Variants in TMEM198 observed in about 807,000 individuals in gnomAD.
TMEM198 encodes transmembrane protein 198.
In TMEM198, 21 loss-of-function variants were observed where a neutral mutation model predicts 31.5. That is an observed-to-expected ratio of 0.67 (90% confidence interval 0.47 to 0.96). TMEM198 has a LOEUF of 0.96. Among genes scored for constraint, TMEM198 ranks in the 40% least tolerant of loss-of-function variants. The pLI is 0.00. For synonymous variants in TMEM198, 211 were observed against 223.3 expected (o/e 0.95, Z 0.49); for missense variants, 447 against 499.4 (o/e 0.89, Z 1.00).
intron 2 of TMEM198, among the ~76,000 whole-genome samples, chr2:219,546,348 ACT>A (rs1417385073): frequency 6.6e-6 from 1 of 151,884 alleles, no homozygotes; most frequent in Non-Finnish European, 1.5e-5. Context: ...CTCCACAAAC[ACT>A]GTTTCCTTCT....
At position 219,550,499 on chromosome 2, in the gene TMEM198, T is replaced by C; in HGVS notation, c.*645T>C. 1 of 355,448 alleles carries C rather than the reference T, an allele frequency of 2.8e-6. No individual in the cohort carries two copies. The highest frequency in any genetic ancestry group is 5.3e-6 in the Non-Finnish European group (1 of 190,472). The allele number at this position is 355,448 out of a possible 1,614,324, so 22.0% of individuals were successfully genotyped here. ...ATGCACGGTGCATGTCTGGTGTCTG[T>C]CATGCCAACCTAGACACCTCATGCT... is the stretch of plus-strand genomic sequence containing the variant. On this transcript the variant is annotated 3_prime_UTR_variant, in exon 5 of 5. Coordinates refer to ENST00000373883, the MANE Select transcript of TMEM198 (RefSeq NM_001005209.3).
In TMEM198 at chr2:219,547,705, G is replaced by T. The variant is rs774661856; in HGVS notation, c.366G>T (p.Gly122=). ...GCAGCGTGGGCCTCTTCCTGGTGGG[G>T]CTGCTGCTCGGCCTGCTGCTCGCAG... ...LVRSVGLFLV[G]LLLGLLLAAA... is the part of the protein sequence containing the mutation. Residue 122 remains glycine, a synonymous_variant, in exon 3 of 5, where the codon GGG becomes GGT. Transcript: ENST00000373883. The T allele has an allele frequency of 6.4e-7, 1 of 1,571,864 alleles. No individual in the cohort carries two copies. The highest frequency in any genetic ancestry group is 1.3e-5 in the African/African-American group (1 of 74,498).
Position 219,549,170 on chromosome 2 carries a change from G to A in TMEM198, c.761G>A (p.Arg254His), listed in dbSNP as rs111549844. The A allele has an allele frequency of 4.5e-4, 734 of 1,613,928 alleles. 1 individual carries two copies. The highest frequency in any genetic ancestry group is 6.2e-4 in the Admixed American group (37 of 60,028). ...ACCACAGTGGTCATCAGCCGGCAGC[G>A]CCGACGCGTGCAACTGATGCGGATT... ...SHTEVVISRQ[R>H]RRVQLMRIRQ... The change falls in exon 4 of 5, where the codon CGC (arginine) becomes CAC (histidine). Residue 254 changes from arginine to histidine, a missense_variant. Arg to His is a conservative substitution (Grantham distance 29). Coordinates refer to ENST00000373883, the MANE Select transcript of TMEM198 (RefSeq NM_001005209.3).
At chr2:219,546,598 G>A (rs564638148) in intron 2 of TMEM198, among the ~76,000 whole-genome samples, 12 of 152,026 alleles carry the variant, frequency 7.9e-5, no homozygotes, top group Middle Eastern at 3.4e-3. Context: ...TTATACTCTC[G>A]ATGATTCTAT....
Position 219,547,766 on chromosome 2 carries a change from C to T in TMEM198, c.427C>T (p.Pro143Ser). The change falls in exon 3 of 5, where the codon CCA becomes TCA. Residue 143 changes from proline to serine, a missense_variant. Transcript: ENST00000373883. ...ALLGSAPYYQ[P>S]GSVWGPLGLL... ...GCTGGGCTCCGCACCCTACTACCAGCCAGGCTCCGTGTGGGGTCCACTGGG... is the reference window on the plus strand; with the variant it reads ...GCTGGGCTCCGCACCCTACTACCAGTCAGGCTCCGTGTGGGGTCCACTGGG... The T allele has an allele frequency of 6.3e-7, 1 of 1,594,636 alleles. No individual in the cohort carries two copies. The highest frequency in any genetic ancestry group is 8.5e-7 in the Non-Finnish European group (1 of 1,176,942).
At position 219,550,461 on chromosome 2, in the gene TMEM198, G is replaced by C; in HGVS notation, c.*607G>C. 4.1e-6 allele frequency: 1 copy of C among 244,616 alleles called. No homozygotes were observed. Among genetic ancestry groups the C allele is most frequent in the East Asian group, 9.3e-5 (1 of 10,778 alleles). 15.2% of individuals were successfully genotyped at this position (244,616 alleles called of 1,614,324 possible). A position where few individuals can be genotyped will look rare whatever the true frequency, so the allele number is the denominator to read the frequency against. On this transcript the variant is annotated 3_prime_UTR_variant, in exon 5 of 5. Transcript: ENST00000373883. Reference sequence around the variant, plus strand: ...CTGGGCTGGGTTGGGAAGGGAGTTGGGGAGGGGTTTAAATGCACGGTGCAT... The same window carrying C: ...CTGGGCTGGGTTGGGAAGGGAGTTGCGGAGGGGTTTAAATGCACGGTGCAT...
At chr2:219,547,481 C>T (rs2105994110) in intron 2 of TMEM198, 25 bp from the exon 3 acceptor site, 6 of 1,397,092 alleles carry the variant, frequency 4.3e-6, no homozygotes, top group Non-Finnish European at 5.6e-6. Flanking sequence ...ATCTTGGCCC[C>T]TCACTAGCCC....
At chr2:219,543,957 G>A (rs566186224), upstream of TMEM198, 24 of 347,498 alleles carry the variant, frequency 6.9e-5, no homozygotes, top group South Asian at 3.6e-4. Context: ...TGCCTCCCGC[G>A]GCGTGGTTGG....
intron 2 of TMEM198, among the ~76,000 whole-genome samples, chr2:219,545,437 C>G (rs1025439930): frequency 6.6e-6 from 1 of 152,198 alleles, no homozygotes; most frequent in Non-Finnish European, 1.5e-5. Context: ...CTCCGGTAAT[C>G]AGAGCTGCTG....
At position 219,547,646 on chromosome 2, in the gene TMEM198, G is replaced by A. The variant is rs757715009; in HGVS notation, c.307G>A (p.Gly103Arg). 7.9e-6 allele frequency: 12 copies of A among 1,528,090 alleles called. No individual in the cohort carries two copies. The highest frequency in any genetic ancestry group is 2.3e-5 in the East Asian group (1 of 43,680). 94.7% of individuals were successfully genotyped at this position (1,528,090 alleles called of 1,614,324 possible). ...GAGCGCGGGCATCGCTCTGGGCATC[G>A]GGCTGCTCTGCGGGCTGGTGGCCAT... ...GASAGIALGI[G>R]LLCGLVAMLV... The change falls in exon 3 of 5, where the codon GGG (glycine) becomes AGG (arginine). Residue 103 changes from glycine to arginine, a missense_variant. Physicochemically the swap from Gly to Arg is moderately radical, Grantham distance 125. Coordinates refer to ENST00000373883, the MANE Select transcript of TMEM198 (RefSeq NM_001005209.3).
chr2:219,544,701 G>C lies in TMEM198; in HGVS notation c.-27G>C. 1 of 1,604,500 alleles carries C rather than the reference G, an allele frequency of 6.2e-7. No individual in the cohort carries two copies. Among genetic ancestry groups the C allele is most frequent in the African/African-American group, 1.3e-5 (1 of 74,888 alleles). Reference sequence around the variant, plus strand: ...TTCCCTCTGTCAGGTTAACTTGGGAGGGTGACTCCCTTCTATTCCCAGCAC... The same window carrying C: ...TTCCCTCTGTCAGGTTAACTTGGGACGGTGACTCCCTTCTATTCCCAGCAC... On this transcript the variant is annotated 5_prime_UTR_variant, in exon 2 of 5. Coordinates refer to ENST00000373883, the MANE Select transcript of TMEM198 (RefSeq NM_001005209.3).
chr2:219,544,969 C>T (rs1695362517), intron 2 of TMEM198, 76 bp downstream of exon 2: 9 of 1,507,260 alleles, frequency 6.0e-6, no homozygotes, highest in Non-Finnish European at 8.2e-6. Context: ...CCCAAGTCTT[C>T]TCTGAATCCC....
chr2:219,544,952 C>T, intron 2 of TMEM198, 59 bp downstream of exon 2: 7 of 1,589,918 alleles, frequency 4.4e-6, no homozygotes, highest in Admixed American at 1.7e-5. Context: ...AGTTCTTTTT[C>T]TGGGCCCCCA....
intron 1 of TMEM198, 64 bp from the exon 2 acceptor site, chr2:219,544,625 T>C (rs1559125818): frequency 5.0e-6 from 7 of 1,399,514 alleles, no homozygotes; most frequent in Non-Finnish European, 6.9e-6. Flanking sequence ...TCCCAATCCC[T>C]CTCCCACCCC....
chr2:219,547,420 G>T lies in TMEM198; in HGVS notation c.167-86G>T, dbSNP rs1259490222. 8 of 1,098,032 alleles carry T rather than the reference G, an allele frequency of 7.3e-6. No individual in the cohort carries two copies. In the South Asian group the frequency reaches 9.8e-5, roughly 13 times the overall value. The allele number at this position is 1,098,032 out of a possible 1,614,324, so 68.0% of individuals were successfully genotyped here. ...GTGTCTTTGTCTCTGGTTCCCCTGG[G>T]ATCCCATGTCCTTGACCCCTTGGAC... On this transcript the variant is annotated intron_variant, in intron 2 of 4. Transcript: ENST00000373883.
In TMEM198 at chr2:219,549,258, A is replaced by G. The variant is rs1695475117; in HGVS notation, c.849A>G (p.Arg283=). 1 of 1,613,970 alleles carries G rather than the reference A, an allele frequency of 6.2e-7. No individual in the cohort carries two copies. The highest frequency in any genetic ancestry group is 2.2e-5 in the East Asian group (1 of 44,880). Residue 283 remains arginine, a synonymous_variant, in exon 4 of 5, where the codon AGA becomes AGG. Transcript: ENST00000373883. ...AGAGACCTCCTCGGGCTCCCCTCAG[A>G]GGTCCCCGGGCTCCTCCCAGGCCTG... is the stretch of plus-strand genomic sequence containing the variant. ...RKKRPPRAPL[R]GPRAPPRPGP...
chr2:219,549,719 C>G lies in TMEM198; in HGVS notation c.948C>G (p.Ser316Arg). 1 of 1,613,902 alleles carries G rather than the reference C, an allele frequency of 6.2e-7. No homozygotes were observed. Among genetic ancestry groups the G allele is most frequent in the Non-Finnish European group, 8.5e-7 (1 of 1,179,946 alleles). Reference protein sequence around the residue: ...KRFNGDVLSPSYIQSFRDRQT... With the variant: ...KRFNGDVLSPRYIQSFRDRQT... ...CACCTATGTTTGCTCCCCCACAGAG[C>G]TATATCCAGAGCTTCCGAGACCGGC... The change falls in exon 5 of 5, where the codon AGC becomes AGG. Residue 316 changes from serine (S) to arginine (R), a missense_variant and splice_region_variant. By Grantham distance (110) the Ser-to-Arg change is moderately radical. Coordinates refer to ENST00000373883, the MANE Select transcript of TMEM198 (RefSeq NM_001005209.3).
Position 219,548,066 on chromosome 2 carries a change from G to A in TMEM198, c.727G>A (p.Asp243Asn). 6.4e-7 allele frequency: 1 copy of A among 1,564,466 alleles called. No homozygotes were observed. The highest frequency in any genetic ancestry group is 8.6e-7 in the Non-Finnish European group (1 of 1,156,152). ...LVQWRVTAEG[D>N]SHTEVVISRQ... is the part of the protein sequence containing the mutation. ...GCAGTGGAGGGTGACAGCTGAGGGG[G>A]ACTCCCACACGGAAGGTAAGGGGGC... Residue 243 changes from aspartate (D) to asparagine (N), a missense_variant, in exon 3 of 5, where the codon GAC becomes AAC. Asp to Asn is a conservative substitution (Grantham distance 23). Transcript: ENST00000373883.
Position 219,550,536 on chromosome 2 carries a change from C to G in TMEM198, c.*682C>G, listed in dbSNP as rs543237211. ...AGACACCTCATGCTTCTGTCTCCCC[C>G]ACCCCACTCTGTTTTACATCTTTTA... is the stretch of plus-strand genomic sequence containing the variant. On this transcript the variant is annotated 3_prime_UTR_variant, in exon 5 of 5. Coordinates refer to ENST00000373883, the MANE Select transcript of TMEM198 (RefSeq NM_001005209.3). 12 of 444,856 alleles carry G rather than the reference C, an allele frequency of 2.7e-5. 1 individual carries two copies. In the South Asian group the frequency reaches 3.4e-4, roughly 13 times the overall value. The allele number at this position is 444,856 out of a possible 1,614,324, so 27.6% of individuals were successfully genotyped here. A position where few individuals can be genotyped will look rare whatever the true frequency, so the allele number is the denominator to read the frequency against.
Sources: allele counts gnomAD v4.1 joint callset (sites outside exome capture counted in the v4.1 genomes callset), GRCh38; gene constraint gnomAD v4.1.1; transcripts MANE v1.5; gene names NCBI Gene and HGNC (gene_info 2026-07-23, HGNC 2026-07-21).